Variants in HDAC4 observed in about 807,000 individuals in gnomAD.
The protein encoded by HDAC4 is histone deacetylase 4.
HDAC4 carries 16 observed loss-of-function variants against 135.1 expected under a neutral mutation model. The ratio of observed to expected loss-of-function variants is 0.12; its 90% CI spans 0.08 to 0.18. HDAC4 has a LOEUF of 0.18. HDAC4 is among the 10% of genes least tolerant of loss of function. The pLI is 1.00. For synonymous variants in HDAC4, 685 were observed against 653.4 expected (o/e 1.05, Z -0.74); for missense variants, 1,143 against 1,511.8 (o/e 0.76, Z 4.05).
At chr2:239,124,702 T>C (rs13000117) in intron 12 of HDAC4, among the ~76,000 whole-genome samples, 297 of 49,008 alleles carry the variant, frequency 6.1e-3, no homozygotes, top group African/African-American at 0.01. Context: ...TGACATTCCA[T>C]GTTATGTGAC....
At chr2:239,157,943 A>G (rs2042531208) in intron 6 of HDAC4, among the ~76,000 whole-genome samples, 1 of 152,194 alleles carries the variant, frequency 6.6e-6, no homozygotes, top group Non-Finnish European at 1.5e-5. Flanking sequence ...GGAAAACTGC[A>G]CAGCTTCAGG....
In HDAC4 at chr2:239,156,541, G is replaced by A. The variant is rs1312820074; in HGVS notation, c.733+111C>T. 3 of 1,272,366 alleles carry A rather than the reference G, an allele frequency of 2.4e-6. No homozygotes were observed. The East Asian group carries it at 7.0e-5, about 30-fold the overall frequency. 78.8% of individuals were successfully genotyped at this position (1,272,366 alleles called of 1,614,324 possible). A position where few individuals can be genotyped will look rare whatever the true frequency, so the allele number is the denominator to read the frequency against. On this transcript the variant is annotated intron_variant, in intron 7 of 26. Coordinates refer to ENST00000543185, the MANE Select transcript of HDAC4 (RefSeq NM_001378414.1). ...GAAAGGAGAAAATATTTAAAAATCT[G>A]CAGGTGATTCCTTCTCTAAGTGGAA...
chr2:239,373,033 T>C (rs1438258754), intron 1 of HDAC4, among the ~76,000 whole-genome samples: 4 of 152,084 alleles, frequency 2.6e-5, no homozygotes, highest in Non-Finnish European at 5.9e-5. Flanking sequence ...GTTTGACTCT[T>C]ACCACAACAC....
At chr2:239,158,765 T>C (rs1022675687) in intron 6 of HDAC4, among the ~76,000 whole-genome samples, 1 of 152,050 alleles carries the variant, frequency 6.6e-6, no homozygotes, top group African/African-American at 2.4e-5. Context: ...GCCCTCACCG[T>C]CAGGGCAGGT....
chr2:239,345,822 AAT>A (rs1166450899), intron 2 of HDAC4, among the ~76,000 whole-genome samples: 2 of 132,534 alleles, frequency 1.5e-5, no homozygotes, highest in Non-Finnish European at 3.2e-5. Flanking sequence ...CATCGTCTAA[AAT>A]ACACACCCCC....
At chr2:239,359,155 T>C (rs1053824064) in intron 1 of HDAC4, among the ~76,000 whole-genome samples, 4 of 152,234 alleles carry the variant, frequency 2.6e-5, no homozygotes, top group African/African-American at 4.8e-5. Context: ...AGCTTTTATA[T>C]TATGAAAACT....
At chr2:239,095,688 A>ACTGCTCTGGCACCCGCGC (rs1232667649) in intron 16 of HDAC4, among the ~76,000 whole-genome samples, 6 of 151,962 alleles carry the variant, frequency 3.9e-5, no homozygotes, top group African/African-American at 1.5e-4. Context: ...CCCCCACCCC[A>ACTGCTCTGGCACCCGCGC]CTGCTCTGGC....
chr2:239,054,039 G>T (rs1339221922), intron 25 of HDAC4, among the ~76,000 whole-genome samples: 2 of 152,008 alleles, frequency 1.3e-5, no homozygotes, highest in Non-Finnish European at 2.9e-5. Flanking sequence ...GGCTGGGGGT[G>T]GAGGGGTACT....
intron 3 of HDAC4, among the ~76,000 whole-genome samples, chr2:239,210,879 G>A (rs1440756880): frequency 2.0e-5 from 3 of 152,110 alleles, no homozygotes; most frequent in Non-Finnish European, 2.9e-5. Context: ...CACCTTCCAC[G>A]GGACAAGGAC....
chr2:239,068,419 G>T lies in HDAC4; in HGVS notation c.2869+70C>A. The T allele has an allele frequency of 9.0e-7, 1 of 1,113,274 alleles. No individual in the cohort carries two copies. Among genetic ancestry groups the T allele is most frequent in the Non-Finnish European group, 1.4e-6 (1 of 724,882 alleles). The allele number at this position is 1,113,274 out of a possible 1,614,324, so 69.0% of individuals were successfully genotyped here. On this transcript the variant is annotated intron_variant, in intron 23 of 26. Coordinates refer to ENST00000543185, the MANE Select transcript of HDAC4 (RefSeq NM_001378414.1). This position sits in a 1 kb window ranked among gnomAD's most constrained non-coding sequence, Gnocchi z 4.4. ...TATCTCGTTATTAAAAAGGGGACCT[G>T]ACACGCGGAACACAGCGGATCATGG...
intron 3 of HDAC4, among the ~76,000 whole-genome samples, chr2:239,223,415 G>C (rs1226104700): frequency 3.9e-5 from 6 of 152,198 alleles, no homozygotes; most frequent in Non-Finnish European, 7.3e-5. Flanking sequence ...GGGCGCTGCG[G>C]GTCACTGGGG....
At position 239,206,327 on chromosome 2, in the gene HDAC4, C is replaced by CA. The variant is rs201449361; in HGVS notation, c.95-16251dup. 6.3e-3 allele frequency among the ~76,000 whole-genome samples: 946 copies of CA among 149,750 alleles called. 5 individuals carry two copies. Among genetic ancestry groups the CA allele is most frequent in the Non-Finnish European group, 8.4e-3 (566 of 67,368 alleles). ...TGGGCAAAAGAGCAAAAACCTGCCT[C>CA]AAAAAAAAAGAAAGTAATTAAATAA... On this transcript the variant is annotated intron_variant, in intron 3 of 26. Coordinates refer to ENST00000543185, the MANE Select transcript of HDAC4 (RefSeq NM_001378414.1).
intron 2 of HDAC4, among the ~76,000 whole-genome samples, chr2:239,295,354 A>T (rs1027470849): frequency 6.6e-6 from 1 of 150,986 alleles, no homozygotes; most frequent in Non-Finnish European, 1.5e-5. Context: ...GTAAACTGGC[A>T]AGGGTGAAAA....
intron 2 of HDAC4, among the ~76,000 whole-genome samples, chr2:239,244,316 C>T (rs766714324): frequency 5.3e-5 from 8 of 152,188 alleles, no homozygotes; most frequent in Non-Finnish European, 1.0e-4. Context: ...ATGAGGAAAA[C>T]AGCCTCTTGG....
chr2:239,205,347 G>A (rs1004083811), intron 3 of HDAC4, among the ~76,000 whole-genome samples: 5 of 152,078 alleles, frequency 3.3e-5, no homozygotes, highest in Non-Finnish European at 7.4e-5. Context: ...GAGTTCAGAA[G>A]ACCCCGCAAT....
intron 11 of HDAC4, among the ~76,000 whole-genome samples, chr2:239,130,223 G>T (rs1575132484): frequency 6.6e-6 from 1 of 152,228 alleles, no homozygotes; most frequent in East Asian, 1.9e-4. Flanking sequence ...TTGAGCTTCT[G>T]GGGATGGAGC....
intron 2 of HDAC4, among the ~76,000 whole-genome samples, chr2:239,260,252 C>T (rs556146804): frequency 4.0e-4 from 61 of 152,318 alleles, no homozygotes; most frequent in African/African-American, 5.1e-4. Context: ...GCAAAAGCAT[C>T]GCATGGTGGG....
chr2:239,298,560 C>A (rs1435961321), intron 2 of HDAC4: 1 of 1,021,778 alleles, frequency 9.8e-7, no homozygotes, highest in Non-Finnish European at 1.2e-6. Flanking sequence ...GATGCAGGTG[C>A]CCCTGCAGCC....
At chr2:239,091,657 C>T (rs1334664036) in intron 17 of HDAC4, 1 of 152,188 alleles carries the variant, frequency 6.6e-6, no homozygotes, top group Middle Eastern at 3.2e-3. Context: ...GATTTCTTTC[C>T]AGGCGGTCTT....
Sources: allele counts gnomAD v4.1 joint callset (sites outside exome capture counted in the v4.1 genomes callset), GRCh38; gene constraint gnomAD v4.1.1; non-coding constraint Gnocchi (gnomAD v3.1); transcripts MANE v1.5; gene names NCBI Gene and HGNC (gene_info 2026-07-23, HGNC 2026-07-21).